Variants in PRPF39 observed in about 807,000 individuals in gnomAD.
The protein encoded by PRPF39 is pre-mRNA processing factor 39.
PRPF39 carries 27 observed loss-of-function variants against 82.1 expected under a neutral mutation model. The ratio of observed to expected loss-of-function variants is 0.33; its 90% CI spans 0.24 to 0.45. PRPF39 has a LOEUF of 0.45. Ranked by LOEUF, PRPF39 falls within the 20% of genes least tolerant of loss-of-function variation. PRPF39 has a pLI of 1.00. For synonymous variants in PRPF39, 261 were observed against 256.4 expected, an observed-to-expected ratio of 1.02 and a Z score of -0.17; for missense variants, 581 against 796.9, an observed-to-expected ratio of 0.73 and a Z score of 3.26.
chr14:45,094,533 C>A (rs1166585494), intron 1 of PRPF39, among the ~76,000 whole-genome samples: 1 of 152,118 alleles, frequency 6.6e-6, no homozygotes, highest in Non-Finnish European at 1.5e-5. Flanking sequence ...TCCTGAGTAG[C>A]TGGGACTGCA....
At chr14:45,114,317 C>T in intron 12 of PRPF39, 60 bp downstream of exon 12, 1 of 1,429,938 alleles carries the variant, frequency 7.0e-7, no homozygotes, top group East Asian at 2.3e-5. Flanking sequence ...CCTTCAAAGA[C>T]AAATGTTTTT....
In PRPF39 at chr14:45,115,405, A is replaced by G. The variant is rs1884808411; in HGVS notation, c.*492A>G. On this transcript the variant is annotated 3_prime_UTR_variant, in exon 14 of 14. Coordinates refer to ENST00000355765, the MANE Select transcript of PRPF39 (RefSeq NM_017922.4). ...CTAACTGCAGAAAGGATACATTATT[A>G]AAATACTTTGCCTTGGAATAGATTA... 6.6e-6 allele frequency: 1 copy of G among 152,452 alleles called. No homozygotes were observed. The highest frequency in any genetic ancestry group is 2.4e-5 in the African/African-American group (1 of 41,388). 9.4% of individuals were successfully genotyped at this position (152,452 alleles called of 1,614,324 possible).
intron 7 of PRPF39, among the ~76,000 whole-genome samples, chr14:45,109,393 A>G (rs1339062346): frequency 6.6e-6 from 1 of 152,196 alleles, no homozygotes; most frequent in African/African-American, 2.4e-5. Context: ...ATTAAAAAGC[A>G]TGTAATTGGC....
At chr14:45,113,428 AT>A (rs1221962157) in intron 11 of PRPF39, among the ~76,000 whole-genome samples, 21 of 152,142 alleles carry the variant, frequency 1.4e-4, no homozygotes, top group African/African-American at 4.8e-4. Context: ...GAGATTAGGC[AT>A]TTTTTCTGAG....
chr14:45,112,543 G>T (rs1373123767), intron 11 of PRPF39, 41 bp downstream of exon 11: 9 of 1,410,096 alleles, frequency 6.4e-6, no homozygotes, highest in Non-Finnish European at 7.4e-6. Context: ...TGATAAATGA[G>T]CATTGATATT....
intron 1 of PRPF39, among the ~76,000 whole-genome samples, chr14:45,087,723 G>A (rs1264794068): frequency 6.7e-6 from 1 of 149,648 alleles, no homozygotes; most frequent in Non-Finnish European, 1.5e-5. Context: ...ACAGGCGCCC[G>A]TCACCATGCC....
intron 7 of PRPF39, among the ~76,000 whole-genome samples, chr14:45,109,289 C>G (rs1488487358): frequency 1.3e-5 from 2 of 152,202 alleles, no homozygotes; most frequent in African/African-American, 4.8e-5. Context: ...GAGTTCCCCT[C>G]TCCACTCCTA....
At chr14:45,091,481 G>A (rs1884023349) in intron 1 of PRPF39, among the ~76,000 whole-genome samples, 1 of 152,132 alleles carries the variant, frequency 6.6e-6, no homozygotes, top group African/African-American at 2.4e-5. Flanking sequence ...TAGAATCTGG[G>A]TTTTGTATCC....
rs979203798 is a variant in PRPF39 at position 45,115,283 on chromosome 14, T to A, written c.*370T>A. Reference sequence around the variant, plus strand: ...TCTGAAAACACATAAGGGCTGGTTATTTACCTCCTTTTTTTTTTTTTTTTT... The same window carrying A: ...TCTGAAAACACATAAGGGCTGGTTAATTACCTCCTTTTTTTTTTTTTTTTT... On this transcript the variant is annotated 3_prime_UTR_variant, in exon 14 of 14. Transcript: ENST00000355765. 1 of 151,060 alleles carries A rather than the reference T, an allele frequency of 6.6e-6. No homozygotes were observed. Among genetic ancestry groups the A allele is most frequent in the Admixed American group, 6.6e-5 (1 of 15,052 alleles). The allele number at this position is 151,060 out of a possible 1,614,324, so 9.4% of individuals were successfully genotyped here. A position where few individuals can be genotyped will look rare whatever the true frequency, so the allele number is the denominator to read the frequency against.
chr14:45,107,859 G>C (rs1390634430), intron 6 of PRPF39, among the ~76,000 whole-genome samples: 1 of 152,044 alleles, frequency 6.6e-6, no homozygotes, highest in African/African-American at 2.4e-5. Context: ...AACCTGGAAG[G>C]CGGAGGTTGC....
Position 45,110,106 on chromosome 14 carries a change from A to T in PRPF39, c.1189A>T (p.Met397Leu). The T allele has an allele frequency of 6.2e-7, 1 of 1,613,544 alleles. No individual in the cohort carries two copies. Among genetic ancestry groups the T allele is most frequent in the Non-Finnish European group, 8.5e-7 (1 of 1,179,534 alleles). The change falls in exon 9 of 14, where the codon ATG becomes TTG. Residue 397 changes from methionine (M) to leucine (L), a missense_variant. Met to Leu is a conservative substitution (Grantham distance 15). Coordinates refer to ENST00000355765, the MANE Select transcript of PRPF39 (RefSeq NM_017922.4). The surrounding 1 kb of genome is among the most constrained non-coding windows in gnomAD (Gnocchi z 4.0). Reference sequence around the variant, plus strand: ...TTTCTGTATGTAGTATGCCAAGTACATGGAAAACCATAGCATTGAAGGAGT... The same window carrying T: ...TTTCTGTATGTAGTATGCCAAGTACTTGGAAAACCATAGCATTGAAGGAGT... ...EEFWIKYAKY[M>L]ENHSIEGVRH...
At chr14:45,099,414 G>T (rs1884301173) in intron 4 of PRPF39, among the ~76,000 whole-genome samples, 1 of 151,298 alleles carries the variant, frequency 6.6e-6, no homozygotes, top group African/African-American at 2.4e-5. Flanking sequence ...CTTGACCCTT[G>T]TATTGGATTT....
At chr14:45,085,659 A>G (rs550008903) in intron 1 of PRPF39, among the ~76,000 whole-genome samples, 1 of 152,322 alleles carries the variant, frequency 6.6e-6, no homozygotes, top group Admixed American at 6.5e-5. Flanking sequence ...AGTGTTTAAT[A>G]TGTAGAGACT....
At chr14:45,108,218 A>T (rs1884598816) in intron 6 of PRPF39, among the ~76,000 whole-genome samples, 197 bp from the exon 7 acceptor site, 1 of 152,224 alleles carries the variant, frequency 6.6e-6, no homozygotes, top group Non-Finnish European at 1.5e-5. Context: ...AAAAAATATG[A>T]AAGTGGTTAA....
chr14:45,103,538 AAGT>A (rs1437837048), intron 5 of PRPF39, among the ~76,000 whole-genome samples: 2 of 152,056 alleles, frequency 1.3e-5, no homozygotes, highest in African/African-American at 4.8e-5. Context: ...TTAGTACCAA[AAGT>A]AGAAGACTTT....
rs1405808752 is a variant in PRPF39, at chr14:45,112,345, C to G, written c.1600C>G (p.Leu534Val). The stretch of plus-strand genomic sequence containing the variant: ...GAACACAAAGTTATACCTCAATTTA[C>G]TTGAAATGGAATATAGTGGTGACCT... ...KENTKLYLNL[L>V]EMEYSGDLKQ... The change falls in exon 11 of 14, where the codon CTT becomes GTT. Residue 534 changes from leucine (L) to valine (V), a missense_variant. Leu to Val is a conservative substitution (Grantham distance 32). Coordinates refer to ENST00000355765, the MANE Select transcript of PRPF39 (RefSeq NM_017922.4). 1 of 1,560,924 alleles carries G rather than the reference C, an allele frequency of 6.4e-7. No homozygotes were observed. Among genetic ancestry groups the G allele is most frequent in the South Asian group, 1.2e-5 (1 of 80,220 alleles).
At chr14:45,087,958 T>G (rs1415327856) in intron 1 of PRPF39, among the ~76,000 whole-genome samples, 2 of 152,092 alleles carry the variant, frequency 1.3e-5, no homozygotes, top group African/African-American at 4.8e-5. Flanking sequence ...AGCAATATAC[T>G]GGGTTTTAGT....
At chr14:45,106,838 A>T (rs1406181799) in intron 5 of PRPF39, among the ~76,000 whole-genome samples, 1 of 152,210 alleles carries the variant, frequency 6.6e-6, no homozygotes, top group Non-Finnish European at 1.5e-5. Context: ...CAGCAGTCAG[A>T]GGCTTGGAGG....
chr14:45,101,019 C>A (rs1884357174), intron 4 of PRPF39, among the ~76,000 whole-genome samples: 1 of 152,186 alleles, frequency 6.6e-6, no homozygotes, highest in Admixed American at 6.5e-5. Flanking sequence ...ATATCATACA[C>A]CAAATACTCA....
Sources: gnomAD v4.1 joint callset for allele counts (sites outside exome capture counted in the v4.1 genomes callset) on GRCh38, gnomAD v4.1.1 for gene constraint, Gnocchi (gnomAD v3.1) non-coding constraint, MANE v1.5 for transcripts, NCBI Gene and HGNC (gene_info 2026-07-23, HGNC 2026-07-21) for gene names.